The following PSMD12 variants were observed in gnomAD, a reference collection of about 807,000 sequenced individuals.
The protein encoded by PSMD12 is proteasome 26S subunit, non-ATPase 12, also known as 26S proteasome non-ATPase regulatory subunit 12.
In PSMD12, 8 loss-of-function variants were observed where a neutral mutation model predicts 62.9. That is an observed-to-expected ratio of 0.13 (90% CI 0.07 to 0.23). The LOEUF (loss-of-function observed/expected upper bound fraction) is 0.23. Ranked by LOEUF, PSMD12 falls within the 10% of genes least tolerant of loss-of-function variation. PSMD12 has a pLI of 1.00. For synonymous variants in PSMD12, 173 were observed against 187.4 expected (o/e 0.92, Z 0.63); for missense variants, 424 against 550.2 (o/e 0.77, Z 2.29).
At chr17:67,354,709 G>C (rs1323753144) in intron 3 of PSMD12, among the ~76,000 whole-genome samples, 1 of 152,116 alleles carries the variant, frequency 6.6e-6, no homozygotes, top group African/African-American at 2.4e-5. Context: ...AAATTTCATG[G>C]CTGGGTGTGG....
intron 3 of PSMD12, among the ~76,000 whole-genome samples, chr17:67,354,689 A>C (rs773434740): frequency 3.3e-5 from 5 of 152,104 alleles, no homozygotes; most frequent in Admixed American, 6.6e-5. Context: ...ACCAAAAGGC[A>C]CATTTAAGTA....
At chr17:67,352,469 T>C (rs910613002) in intron 3 of PSMD12, among the ~76,000 whole-genome samples, 3 of 152,334 alleles carry the variant, frequency 2.0e-5, no homozygotes, top group Middle Eastern at 3.4e-3. Context: ...CCCTAGGACA[T>C]GTAGTGTCTC....
intron 9 of PSMD12, among the ~76,000 whole-genome samples, chr17:67,343,350 G>A (rs952916588): frequency 6.6e-6 from 1 of 152,136 alleles, no homozygotes; most frequent in East Asian, 1.9e-4. Flanking sequence ...ATTCCAAGCA[G>A]TCTTTAATCC....
intron 5 of PSMD12, 97 bp from the exon 6 acceptor site, chr17:67,347,582 T>C (rs1264658931): frequency 4.8e-6 from 6 of 1,250,532 alleles, no homozygotes; most frequent in Non-Finnish European, 5.4e-6. Context: ...CCTTGTTAAA[T>C]AATAAGAACC....
At chr17:67,344,487 T>C (rs2041945116) in intron 9 of PSMD12, 119 bp downstream of exon 9, 2 of 951,866 alleles carry the variant, frequency 2.1e-6, no homozygotes, top group Non-Finnish European at 3.1e-6. Flanking sequence ...AAATGAACAT[T>C]TGGTTATCAA....
rs2042083370 is a variant in PSMD12 at position 67,357,224 on chromosome 17, C to A, written c.297+79G>T. 9.5e-6 allele frequency: 14 copies of A among 1,466,252 alleles called. No homozygotes were observed. The South Asian group carries it at 2.0e-4, about 20-fold the overall frequency. The allele number at this position is 1,466,252 out of a possible 1,614,324, so 90.8% of individuals were successfully genotyped here. On this transcript the variant is annotated intron_variant, in intron 3 of 10. Coordinates refer to ENST00000356126, the MANE Select transcript of PSMD12 (RefSeq NM_002816.5). ...CAACGTTGACTTAACACATTTTAAA[C>A]AGACTTATAGAAGAGCTTGTGAAAA...
intron 1 of PSMD12, among the ~76,000 whole-genome samples, chr17:67,363,325 A>C (rs779712348): frequency 3.3e-5 from 5 of 152,100 alleles, no homozygotes; most frequent in Admixed American, 6.5e-5. Flanking sequence ...CTAATTTTAA[A>C]AATTTTTTTG....
chr17:67,357,067 C>T, intron 3 of PSMD12: 1 of 372,992 alleles, frequency 2.7e-6, no homozygotes, highest in South Asian at 6.4e-5. Context: ...TAGAACAAAG[C>T]TGTATGAACA....
intron 8 of PSMD12, 44 bp downstream of exon 8, chr17:67,345,701 G>T (rs1410053800): frequency 6.6e-7 from 1 of 1,504,628 alleles, no homozygotes; most frequent in Non-Finnish European, 9.2e-7. Flanking sequence ...TTTCAAAATG[G>T]TGTTTCGACT....
rs2041974328 is a variant in PSMD12, at chr17:67,347,119, C to T, written c.792G>A (p.Gln264=). 9 of 1,592,054 alleles carry T rather than the reference C, an allele frequency of 5.7e-6. No homozygotes were observed. The highest frequency in any genetic ancestry group is 6.8e-6 in the Non-Finnish European group (8 of 1,168,480). Residue 264 remains glutamine, a synonymous_variant, in exon 7 of 11, where the codon CAG becomes CAA. Transcript: ENST00000356126. ...AATTACACGAATATATTCTTACCTG[C>T]TGCCATTTTTCACTTTCTGCCTGTA... ...PCIQAESEKW[Q]QALKSVVLYV...
intron 10 of PSMD12, among the ~76,000 whole-genome samples, chr17:67,341,664 A>G (rs1032941883): frequency 1.3e-5 from 2 of 152,092 alleles, no homozygotes; most frequent in African/African-American, 4.8e-5. Context: ...CCTTTTCTAC[A>G]AAGTTTCCCC....
Position 67,356,582 on chromosome 17 carries a change from A to AG in PSMD12, c.297+720_297+721insC, listed in dbSNP as rs1207426153. 6.6e-4 allele frequency among the ~76,000 whole-genome samples: 97 copies of AG among 147,026 alleles called. 1 individual carries two copies. Among genetic ancestry groups the AG allele is most frequent in the African/African-American group, 2.3e-3 (94 of 40,158 alleles). ...CAAAAAAAAAAAAAAAAAAAAAAAA[A>AG]AAAAGAAAATGAAATATTTAGTTAC... On this transcript the variant is annotated intron_variant, in intron 3 of 10. Coordinates refer to ENST00000356126, the MANE Select transcript of PSMD12 (RefSeq NM_002816.5).
chr17:67,344,814 T>G (rs754571769), intron 8 of PSMD12, 34 bp from the exon 9 acceptor site: 1 of 1,459,410 alleles, frequency 6.9e-7, no homozygotes, highest in East Asian at 2.3e-5. Context: ...ATTCCAAATC[T>G]GTAAAAATTA....
intron 3 of PSMD12, among the ~76,000 whole-genome samples, chr17:67,354,337 G>A (rs1025169212): frequency 6.6e-6 from 1 of 151,950 alleles, no homozygotes; most frequent in Non-Finnish European, 1.5e-5. Context: ...TTGAGCCTAT[G>A]AGATTGAGGC....
rs2041978107 is a variant in PSMD12, at chr17:67,347,412, G to A, written c.584C>T (p.Ala195Val). 1 of 1,613,718 alleles carries A rather than the reference G, an allele frequency of 6.2e-7. No homozygotes were observed. Among genetic ancestry groups the A allele is most frequent in the African/African-American group, 1.3e-5 (1 of 74,898 alleles). Residue 195 changes from alanine (A) to valine (V), a missense_variant, in exon 6 of 11, where the codon GCT (alanine) becomes GTT (valine). Physicochemically the swap from Ala to Val is moderately conservative, Grantham distance 64. Coordinates refer to ENST00000356126, the MANE Select transcript of PSMD12 (RefSeq NM_002816.5). ...TTGTGTTCGAATGTAATCCTTCACA[G>A]CTAGGCAGAGCCTCATTTGCTCCAA... ...FILEQMRLCLAVKDYIRTQII... is the reference protein window; with the variant it reads ...FILEQMRLCLVVKDYIRTQII...
At chr17:67,345,103 T>C (rs779095605) in intron 8 of PSMD12, among the ~76,000 whole-genome samples, 5 of 152,248 alleles carry the variant, frequency 3.3e-5, no homozygotes, top group Non-Finnish European at 5.9e-5. Flanking sequence ...TTTTATATAA[T>C]AGATTTTCAC....
intron 9 of PSMD12, among the ~76,000 whole-genome samples, chr17:67,343,617 T>C (rs900849215): frequency 2.6e-5 from 4 of 152,230 alleles, no homozygotes; most frequent in African/African-American, 9.6e-5. Flanking sequence ...GCTCTCTAGA[T>C]ACTTGTACTA....
intron 3 of PSMD12, among the ~76,000 whole-genome samples, chr17:67,356,010 GCA>G (rs1188491867): frequency 9.7e-4 from 97 of 100,420 alleles, no homozygotes; most frequent in African/African-American, 3.2e-3. Flanking sequence ...ACACACACAC[GCA>G]CACACACACA....
At chr17:67,362,412 C>T (rs1393791138) in intron 1 of PSMD12, among the ~76,000 whole-genome samples, 1 of 152,172 alleles carries the variant, frequency 6.6e-6, no homozygotes, top group African/African-American at 2.4e-5. Context: ...CGGTGGCTCA[C>T]GCCTGTAATC....
Sources: allele counts gnomAD v4.1 joint callset (sites outside exome capture counted in the v4.1 genomes callset), GRCh38; gene constraint gnomAD v4.1.1; transcripts MANE v1.5; gene names NCBI Gene and HGNC (gene_info 2026-07-23, HGNC 2026-07-21).